Variants in MBNL2 observed in about 807,000 individuals in gnomAD.
MBNL2 encodes the protein muscleblind-like protein 2.
Under a neutral mutation model 41.9 loss-of-function variants are expected in MBNL2, and 17 were observed. That is an observed-to-expected ratio of 0.41 (90% CI 0.28 to 0.61). The LOEUF (loss-of-function observed/expected upper bound fraction) is 0.61. MBNL2 is among the 20% of genes least tolerant of loss of function. The pLI, the probability that MBNL2 is intolerant of heterozygous loss-of-function variation, is 0.35. For missense variants in MBNL2, 336 were observed against 505.6 expected (o/e 0.66, Z 3.22); for synonymous variants, 195 against 182.9 (o/e 1.07, Z -0.53).
In MBNL2 at chr13:97,347,033, C is replaced by T; in HGVS notation, c.770C>T (p.Ala257Val). The T allele has an allele frequency of 1.2e-6, 2 of 1,611,128 alleles. No homozygotes were observed. Among genetic ancestry groups the T allele is most frequent in the Middle Eastern group, 1.7e-4 (1 of 5,768 alleles). The change falls in exon 5 of 9, where the codon GCC (alanine) becomes GTC (valine). Residue 257 changes from alanine (A) to valine (V), a missense_variant. By Grantham distance (64) the Ala-to-Val change is moderately conservative (BLOSUM62 0). Transcript: ENST00000679496. ...AQHQANQAAVAAQAAAAAATV... is the reference protein window; with the variant it reads ...AQHQANQAAVVAQAAAAAATV... ...CACCAAGCCAACCAAGCTGCGGTGG[C>T]CGCCCAGGCAGCCGCGGCCGCGGCC...
chr13:97,304,388 ACTTAC>A (rs1339076853), intron 2 of MBNL2, among the ~76,000 whole-genome samples: 2 of 152,224 alleles, frequency 1.3e-5, no homozygotes, highest in Non-Finnish European at 2.9e-5. Flanking sequence ...AAAAATATTT[ACTTAC>A]CTTCTTACAT....
intron 3 of MBNL2, among the ~76,000 whole-genome samples, chr13:97,336,730 A>T (rs1476793822): frequency 6.6e-6 from 1 of 152,214 alleles, no homozygotes; most frequent in Non-Finnish European, 1.5e-5. Context: ...GGCCTCCAGG[A>T]CTATAAAGGG....
At chr13:97,345,317 C>T (rs981001327) in intron 4 of MBNL2, among the ~76,000 whole-genome samples, 1 of 152,108 alleles carries the variant, frequency 6.6e-6, no homozygotes, top group East Asian at 1.9e-4. Flanking sequence ...ATAATTATTT[C>T]CTGCTAATAT....
At chr13:97,254,856 G>A (rs1457650710) in intron 1 of MBNL2, among the ~76,000 whole-genome samples, 1 of 152,154 alleles carries the variant, frequency 6.6e-6, no homozygotes, top group Non-Finnish European at 1.5e-5. Flanking sequence ...GAACAGCCCA[G>A]GTACTCTTGG....
At chr13:97,212,712 T>C in the MBNL2 span, among the ~76,000 whole-genome samples, 1 of 152,198 alleles carries the variant, frequency 6.6e-6, no homozygotes, top group African/African-American at 2.4e-5. Flanking sequence ...CACAATAGCA[T>C]TGTGCTTGAC....
chr13:97,356,213 G>A (rs11069259), intron 5 of MBNL2, among the ~76,000 whole-genome samples: 32,352 of 151,664 alleles, frequency 0.21, 6,707 homozygotes, highest in African/African-American at 0.54. Context: ...CAACAGTTTC[G>A]CCTAAATAAT....
chr13:97,299,958 G>A (rs763322136), intron 2 of MBNL2, among the ~76,000 whole-genome samples: 14 of 152,152 alleles, frequency 9.2e-5, no homozygotes, highest in Non-Finnish European at 2.1e-4. Context: ...ATCACAGGAT[G>A]TTGGGGGTGT....
chr13:97,357,331 C>A, intron 6 of MBNL2, 151 bp from the exon 7 acceptor site: 2 of 648,836 alleles, frequency 3.1e-6, no homozygotes, highest in Non-Finnish European at 2.7e-6. Flanking sequence ...CTCACTCATT[C>A]GACATTGCCG....
At chr13:97,287,716 CTTTTCTTTT>C (rs200204687) in intron 2 of MBNL2, among the ~76,000 whole-genome samples, 2,660 of 133,062 alleles carry the variant, frequency 0.02, 42 homozygotes, top group African/African-American at 0.079. Flanking sequence ...CTTTTCTTTT[CTTTTCTTTT>C]TTTTTTTTTT....
chr13:97,159,506 T>A, the MBNL2 span, among the ~76,000 whole-genome samples: 2 of 152,182 alleles, frequency 1.3e-5, no homozygotes, highest in Admixed American at 1.3e-4. Flanking sequence ...GGTCATTACA[T>A]TTTGGCATGA....
intron 1 of MBNL2, among the ~76,000 whole-genome samples, chr13:97,246,465 G>A (rs1042491363): frequency 9.2e-5 from 14 of 152,186 alleles, no homozygotes; most frequent in Non-Finnish European, 1.6e-4. Context: ...GATAAAGACT[G>A]TTAACGTATA....
intron 2 of MBNL2, among the ~76,000 whole-genome samples, chr13:97,286,817 C>T (rs915746337): frequency 6.6e-6 from 1 of 152,182 alleles, no homozygotes; most frequent in Admixed American, 6.5e-5. Flanking sequence ...TTAAATGCCA[C>T]GTTTGCTCAC....
chr13:97,172,721 TTGG>T, the MBNL2 span: 1 of 152,330 alleles, frequency 6.6e-6, no homozygotes, highest in East Asian at 1.9e-4. Context: ...TTCACACCTG[TTGG>T]TGGCTTCATC....
rs2060795774 is a variant in MBNL2 at position 97,335,438 on chromosome 13, T to C, written c.339+998T>C. 2.6e-5 allele frequency among the ~76,000 whole-genome samples: 4 copies of C among 152,052 alleles called. No homozygotes were observed. In the South Asian group the frequency reaches 8.3e-4, roughly 32 times the overall value. On this transcript the variant is annotated intron_variant, in intron 3 of 8. Transcript: ENST00000679496. ...TTAGGAGGGATGGCTACCAGCAAAT[T>C]TGATTTTCTTGTTGTGTTCCCTGTG...
chr13:97,164,382 C>T, the MBNL2 span, among the ~76,000 whole-genome samples: 1 of 152,186 alleles, frequency 6.6e-6, no homozygotes, highest in African/African-American at 2.4e-5. Context: ...TTCAGTGCCA[C>T]GACTCTGCTT....
intron 1 of MBNL2, among the ~76,000 whole-genome samples, chr13:97,225,633 G>T (rs947291179): frequency 6.6e-6 from 1 of 152,126 alleles, no homozygotes; most frequent in Non-Finnish European, 1.5e-5. Context: ...GTAGGGAGGT[G>T]TGGGCATAAA....
intron 1 of MBNL2, among the ~76,000 whole-genome samples, chr13:97,251,695 T>C (rs971701269): frequency 6.6e-6 from 1 of 152,192 alleles, no homozygotes; most frequent in African/African-American, 2.4e-5. Flanking sequence ...GATCAATTGG[T>C]GAATCGATTG....
chr13:97,236,461 C>CAGAT, intron 1 of MBNL2, among the ~76,000 whole-genome samples: 1 of 150,724 alleles, frequency 6.6e-6, no homozygotes, highest in South Asian at 2.1e-4. Context: ...GTGAGATGTA[C>CAGAT]AGATGTGTTC....
At chr13:97,193,082 G>A in the MBNL2 span, among the ~76,000 whole-genome samples, 2 of 152,226 alleles carry the variant, frequency 1.3e-5, no homozygotes, top group African/African-American at 2.4e-5. Flanking sequence ...TGGAGGACAA[G>A]AGCTGTTTTG....
Sources: allele counts gnomAD v4.1 joint callset (sites outside exome capture counted in the v4.1 genomes callset), GRCh38; gene constraint gnomAD v4.1.1; transcripts MANE v1.5; gene names NCBI Gene and HGNC (gene_info 2026-07-23, HGNC 2026-07-21).